Variants in COL6A5 observed in about 807,000 individuals in gnomAD.
The protein encoded by COL6A5 is collagen alpha-5(VI) chain.
A neutral mutation model predicts 65.6 loss-of-function variants in COL6A5; 48 were observed. That is an observed-to-expected ratio of 0.73 (90% CI 0.58 to 0.93). The LOEUF (loss-of-function observed/expected upper bound fraction) is 0.93, where lower values mean the gene tolerates loss of function less well. Among genes scored for constraint, COL6A5 ranks in the 40% least tolerant of loss-of-function variants. The probability of loss-of-function intolerance (pLI) is 0.00; values close to 1 mark genes in which losing one functional copy is unlikely to be tolerated. For synonymous variants in COL6A5, 291 were observed against 322.8 expected, an observed-to-expected ratio of 0.90 and a Z score of 1.05; for missense variants, 914 against 928.3, an observed-to-expected ratio of 0.98 and a Z score of 0.20.
chr3:130,471,148 C>T (rs1484668147), intron 7 of COL6A5, among the ~76,000 whole-genome samples, 181 bp downstream of exon 39: 1 of 151,658 alleles, frequency 6.6e-6, no homozygotes, highest in African/African-American at 2.4e-5. Flanking sequence ...TGAAATTAAT[C>T]GCAGATAGAA....
chr3:130,347,368 TTA>T (rs905757707), intron 1 of COL6A5, among the ~76,000 whole-genome samples: 16 of 147,880 alleles, frequency 1.1e-4, no homozygotes, highest in African/African-American at 2.2e-4. Context: ...TTTAATTATT[TTA>T]TATATATATA....
At chr3:130,370,477 G>T (rs1253104622) in intron 1 of COL6A5, among the ~76,000 whole-genome samples, 1 of 152,088 alleles carries the variant, frequency 6.6e-6, no homozygotes, top group Non-Finnish European at 1.5e-5. Flanking sequence ...TTTTCTGAGA[G>T]GCTGCCCTAT....
intron 2 of COL6A5, among the ~76,000 whole-genome samples, chr3:130,375,052 A>G (rs1198728483): frequency 6.6e-6 from 1 of 152,180 alleles, no homozygotes; most frequent in Non-Finnish European, 1.5e-5. Flanking sequence ...GACATTTACT[A>G]GCACATTACT....
At chr3:130,444,346 A>G (rs961678507) in intron 4 of COL6A5, among the ~76,000 whole-genome samples, 4 of 152,028 alleles carry the variant, frequency 2.6e-5, no homozygotes, top group Non-Finnish European at 4.4e-5. Flanking sequence ...AGACAGGCAT[A>G]GGAAATCACA....
At position 130,382,488 on chromosome 3, in the gene COL6A5, C is replaced by G. The variant is rs573463047; in HGVS notation, c.1301-2316C>G. Among the ~76,000 whole-genome samples the G allele has an allele frequency of 2.2e-3, 330 of 148,432 alleles. 1 individual carries two copies. The highest frequency in any genetic ancestry group is 0.022 in the South Asian group (101 of 4,626). ...ATAGTGTCTGTTTTAAACTTAGAGT[C>G]TTTTGAGGAGCTTGTTAATAATTCA... On this transcript the variant is annotated intron_variant and NMD_transcript_variant, in intron 4 of 41. Coordinates refer to the COL6A5 transcript ENST00000312481.
At chr3:130,453,160 A>T (rs1709485131) in intron 4 of COL6A5, among the ~76,000 whole-genome samples, 1 of 152,144 alleles carries the variant, frequency 6.6e-6, no homozygotes, top group Non-Finnish European at 1.5e-5. Flanking sequence ...TTACGAGATG[A>T]CAGGATTAAG....
At chr3:130,468,707 ACCT>A (rs1709875088) in intron 5 of COL6A5, 85 bp from the exon 38 acceptor site, 2 of 844,226 alleles carry the variant, frequency 2.4e-6, no homozygotes, top group Non-Finnish European at 3.7e-6. Flanking sequence ...CATGGTAATA[ACCT>A]CATGCTGTGT....
exon 8 of COL6A5, chr3:130,484,155 G>C: frequency 8.8e-7 from 1 of 1,132,048 alleles, no homozygotes; most frequent in East Asian, 2.8e-5. Flanking sequence ...TAAATGACAG[G>C]GACTTTTCAC....
intron 5 of COL6A5, among the ~76,000 whole-genome samples, chr3:130,468,110 AAAAT>A (rs903043307): frequency 6.6e-6 from 1 of 152,034 alleles, no homozygotes; most frequent in Non-Finnish European, 1.5e-5. Context: ...TCTTGCTATG[AAAAT>A]AAATAAATAA....
intron 1 of COL6A5, among the ~76,000 whole-genome samples, chr3:130,354,983 T>A (rs1256206167): frequency 2.0e-5 from 3 of 152,192 alleles, no homozygotes; most frequent in Non-Finnish European, 4.4e-5. Flanking sequence ...TTATATTGGT[T>A]ATACATAGAA....
chr3:130,474,485 G>T (rs1710039069), intron 7 of COL6A5, among the ~76,000 whole-genome samples: 1 of 151,946 alleles, frequency 6.6e-6, no homozygotes. Flanking sequence ...CCAACCTCAA[G>T]GTGACTCTAA....
At chr3:130,443,908 T>C (rs1048656037) in intron 4 of COL6A5, among the ~76,000 whole-genome samples, 4 of 152,166 alleles carry the variant, frequency 2.6e-5, no homozygotes, top group African/African-American at 9.6e-5. Flanking sequence ...ACTGAACTCT[T>C]ACCTGCCTTG....
chr3:130,440,222 A>G, exon 3 of COL6A5: 4 of 1,613,266 alleles, frequency 2.5e-6, no homozygotes, highest in Non-Finnish European at 3.4e-6. Context: ...AGATTCATAC[A>G]TGGATGTAGT....
chr3:130,363,988 G>C (rs1210439100), intron 1 of COL6A5, among the ~76,000 whole-genome samples: 1 of 152,066 alleles, frequency 6.6e-6, no homozygotes, highest in Non-Finnish European at 1.5e-5. Flanking sequence ...TTTTCAGTTT[G>C]CTTAGTTTTT....
chr3:130,425,765 A>C (rs2107688906), intron 29 of COL6A5, among the ~76,000 whole-genome samples: 1 of 152,156 alleles, frequency 6.6e-6, no homozygotes, highest in African/African-American at 2.4e-5. Context: ...GCTGTTTCTT[A>C]TTTCCTGTGC....
chr3:130,484,138 A>G, exon 8 of COL6A5: 1 of 1,319,418 alleles, frequency 7.6e-7, no homozygotes, highest in South Asian at 1.5e-5. Flanking sequence ...TGTTAGAGGT[A>G]CTGTGGTAAA....
chr3:130,379,012 A>G (rs1384968723), intron 3 of COL6A5, among the ~76,000 whole-genome samples: 1 of 152,216 alleles, frequency 6.6e-6, no homozygotes, highest in East Asian at 1.9e-4. Flanking sequence ...TGGTAAAGGT[A>G]GCGGTGATGG....
chr3:130,451,983 C>T (rs1343258262), intron 4 of COL6A5, among the ~76,000 whole-genome samples: 1 of 152,154 alleles, frequency 6.6e-6, no homozygotes. Context: ...AACACGATCC[C>T]ATAGTTCTAC....
intron 17 of COL6A5, 98 bp downstream of exon 17, chr3:130,406,419 A>G: frequency 1.1e-6 from 1 of 916,126 alleles, no homozygotes; most frequent in African/African-American, 1.6e-5. Context: ...TAAAATTTAC[A>G]ACTGACTTAA....
Sources: gnomAD v4.1 joint callset for allele counts (sites outside exome capture counted in the v4.1 genomes callset) on GRCh38, gnomAD v4.1.1 for gene constraint, MANE v1.5 for transcripts, NCBI Gene and HGNC (gene_info 2026-07-23, HGNC 2026-07-21) for gene names.